TRPC4: variants seen among roughly 807,000 people sequenced by gnomAD.
TRPC4 encodes the protein transient receptor potential cation channel subfamily C member 4.
In TRPC4, 49 loss-of-function variants were observed where a neutral mutation model predicts 99.4. That is an observed-to-expected ratio of 0.49 (90% CI 0.39 to 0.63). The LOEUF is 0.63. Among genes scored for constraint, TRPC4 ranks in the 20% least tolerant of loss-of-function variants. TRPC4 has a pLI of 0.00. For synonymous variants in TRPC4, 454 were observed against 425.9 expected, an observed-to-expected ratio of 1.07 and a Z score of -0.81; for missense variants, 898 against 1,152.9, an observed-to-expected ratio of 0.78 and a Z score of 3.20.
At chr13:37,715,479 A>C (rs995709427) in intron 3 of TRPC4, among the ~76,000 whole-genome samples, 2 of 152,182 alleles carry the variant, frequency 1.3e-5, no homozygotes, top group African/African-American at 4.8e-5. Context: ...CCTTTTGGGG[A>C]AGAATCAAAT....
chr13:37,651,550 G>C, intron 7 of TRPC4, 91 bp from the exon 8 acceptor site: 1 of 1,167,880 alleles, frequency 8.6e-7, no homozygotes, highest in Admixed American at 1.9e-5. Flanking sequence ...GACTTCAAGC[G>C]GCTCTTGGAA....
At chr13:37,793,836 A>G (rs1462723260) in intron 1 of TRPC4, among the ~76,000 whole-genome samples, 1 of 152,148 alleles carries the variant, frequency 6.6e-6, no homozygotes, top group Non-Finnish European at 1.5e-5. Context: ...GAAAGGTTCA[A>G]GTTGTTCACC....
intron 6 of TRPC4, among the ~76,000 whole-genome samples, chr13:37,658,260 T>A (rs1952310178): frequency 6.6e-6 from 1 of 152,174 alleles, no homozygotes; most frequent in Non-Finnish European, 1.5e-5. Flanking sequence ...AAAACTTGGG[T>A]TGAAGACTAA....
In TRPC4 at chr13:37,637,558, G is replaced by A. The variant is rs774295967; in HGVS notation, c.2279C>T (p.Ser760Phe). The A allele has an allele frequency of 1.2e-6, 2 of 1,612,948 alleles. No individual in the cohort carries two copies. Among genetic ancestry groups the A allele is most frequent in the Non-Finnish European group, 1.7e-6 (2 of 1,179,568 alleles). ...CGAGGCATTCGCAGATTGTATTGTG[G>A]AAAGTTTGCTTCCTCTTAGTAATCC... The part of the protein sequence containing the change: ...VLGLLRGSKL[S>F]TIQSANASKE... Residue 760 changes from serine to phenylalanine, a missense_variant, in exon 11 of 11, where the codon TCC becomes TTC. Ser to Phe is a radical substitution (Grantham distance 155). Around this residue, in one of 3 missense-constraint regions of TRPC4, gnomAD observed 346 missense variants for 351.4 expected, o/e 0.98. Transcript: ENST00000379705.
At chr13:37,702,175 T>C (rs1185481487) in intron 3 of TRPC4, among the ~76,000 whole-genome samples, 1 of 152,124 alleles carries the variant, frequency 6.6e-6, no homozygotes, top group African/African-American at 2.4e-5. Context: ...CACATCATCT[T>C]CTCTCTTTTT....
intron 1 of TRPC4, among the ~76,000 whole-genome samples, chr13:37,863,955 C>T (rs915149755): frequency 6.6e-6 from 1 of 151,642 alleles, no homozygotes; most frequent in African/African-American, 2.4e-5. Flanking sequence ...GAACTATGAT[C>T]CCGGTATGCA....
intron 1 of TRPC4, among the ~76,000 whole-genome samples, chr13:37,828,771 G>A (rs1035378481): frequency 2.8e-4 from 43 of 152,172 alleles, no homozygotes; most frequent in Admixed American, 3.3e-4. Context: ...TTGTAAGTGG[G>A]AGCTAAGCAT....
intron 1 of TRPC4, among the ~76,000 whole-genome samples, chr13:37,839,629 C>T (rs1340300718): frequency 6.6e-6 from 1 of 152,096 alleles, no homozygotes; most frequent in Non-Finnish European, 1.5e-5. Context: ...ACTGCACTGT[C>T]AGATAGATAT....
chr13:37,690,988 T>A (rs1953677874), intron 4 of TRPC4, among the ~76,000 whole-genome samples: 1 of 152,198 alleles, frequency 6.6e-6, no homozygotes, highest in Non-Finnish European at 1.5e-5. Context: ...TGAGAAAATG[T>A]GATTTCTCAG....
chr13:37,677,161 A>C (rs958030627), intron 4 of TRPC4, among the ~76,000 whole-genome samples: 2 of 152,030 alleles, frequency 1.3e-5, no homozygotes, highest in African/African-American at 4.8e-5. Flanking sequence ...AATGTAATAA[A>C]TTAATATTTT....
chr13:37,835,883 G>A (rs1260226547), intron 1 of TRPC4, among the ~76,000 whole-genome samples: 1 of 152,086 alleles, frequency 6.6e-6, no homozygotes, highest in Non-Finnish European at 1.5e-5. Context: ...AAAATTTCTA[G>A]TTTATATTTA....
At chr13:37,677,240 T>C (rs553857654) in intron 4 of TRPC4, among the ~76,000 whole-genome samples, 44 of 152,146 alleles carry the variant, frequency 2.9e-4, no homozygotes, top group African/African-American at 1.1e-3. Context: ...TACATGTAAA[T>C]AATTAGGGTT....
intron 2 of TRPC4, among the ~76,000 whole-genome samples, chr13:37,762,559 C>T (rs1956251029): frequency 6.6e-6 from 1 of 151,420 alleles, no homozygotes; most frequent in African/African-American, 2.4e-5. Context: ...GAGTTCATGT[C>T]CTTTGTATGG....
intron 3 of TRPC4, among the ~76,000 whole-genome samples, chr13:37,707,235 A>G (rs1391207641): frequency 6.6e-6 from 1 of 152,168 alleles, no homozygotes; most frequent in Non-Finnish European, 1.5e-5. Flanking sequence ...AAACATTGCA[A>G]AAGTAGATTC....
intron 2 of TRPC4, among the ~76,000 whole-genome samples, chr13:37,758,293 A>T (rs924601639): frequency 6.6e-6 from 1 of 152,024 alleles, no homozygotes; most frequent in African/African-American, 2.4e-5. Flanking sequence ...TGAATCCAAC[A>T]GTGTATCAAA....
intron 1 of TRPC4, among the ~76,000 whole-genome samples, chr13:37,846,709 G>C (rs571520489): frequency 3.3e-5 from 5 of 151,856 alleles, no homozygotes; most frequent in African/African-American, 1.2e-4. Context: ...AAGTTTTTAT[G>C]TACCAGTAAT....
At chr13:37,702,218 T>C (rs1272585054) in intron 3 of TRPC4, among the ~76,000 whole-genome samples, 1 of 152,212 alleles carries the variant, frequency 6.6e-6, no homozygotes, top group Non-Finnish European at 1.5e-5. Context: ...AGTAAGAGTC[T>C]GTCCCACTCC....
chr13:37,721,654 T>C (rs570019148), intron 3 of TRPC4, among the ~76,000 whole-genome samples: 3 of 152,342 alleles, frequency 2.0e-5, no homozygotes, highest in African/African-American at 7.2e-5. Context: ...ACTTTATCTT[T>C]AAACTGATTC....
Position 37,842,372 on chromosome 13 carries a change from G to GAAAAAAAAAAAAAAAAAAAAAAAAA in TRPC4, c.-28+27222_-28+27223insTTTTTTTTTTTTTTTTTTTTTTTTT, listed in dbSNP as rs1566216069. ...AAAAAAAAAAAAAAAAAAAAAAAAG[G>GAAAAAAAAAAAAAAAAAAAAAAAAA]AAAAGGAAAAGTATAAATCGGGGGC... is the stretch of plus-strand genomic sequence containing the variant. On this transcript the variant is annotated intron_variant, in intron 1 of 10. Coordinates refer to ENST00000379705, the MANE Select transcript of TRPC4 (RefSeq NM_016179.4). 6.9e-5 allele frequency among the ~76,000 whole-genome samples: 5 copies of GAAAAAAAAAAAAAAAAAAAAAAAAA among 72,090 alleles called. 2 individuals carry two copies. Among genetic ancestry groups the GAAAAAAAAAAAAAAAAAAAAAAAAA allele is most frequent in the Non-Finnish European group, 1.1e-4 (4 of 34,986 alleles). 47.3% of individuals were successfully genotyped at this position (72,090 alleles called of 152,430 possible).
Sources: allele counts gnomAD v4.1 joint callset (sites outside exome capture counted in the v4.1 genomes callset), GRCh38; gene constraint gnomAD v4.1.1; regional missense constraint gnomAD v4.1.1; transcripts MANE v1.5; gene names NCBI Gene and HGNC (gene_info 2026-07-23, HGNC 2026-07-21).